TBL1X: variants seen among roughly 807,000 people sequenced by gnomAD.
The protein encoded by TBL1X is transducin beta like 1 X-linked.
A neutral mutation model predicts 50.7 loss-of-function variants in TBL1X; 10 were observed. The ratio of observed to expected loss-of-function variants is 0.20; its 90% CI spans 0.12 to 0.33. The LOEUF is 0.33. TBL1X is among the 10% of genes least tolerant of loss of function. The pLI, the probability that TBL1X is intolerant of heterozygous loss-of-function variation, is 1.00. For missense variants in TBL1X, 340 were observed against 504.4 expected (o/e 0.67, Z 3.12); for synonymous variants, 190 against 214.7 (o/e 0.88, Z 1.01).
At chrX:9,630,284 C>T (rs1458254386) in intron 2 of TBL1X, among the ~76,000 whole-genome samples, 3 of 111,870 alleles carry the variant, frequency 2.7e-5, no homozygotes, top group Non-Finnish European at 3.8e-5. Context: ...TCTTTGCCTC[C>T]GAAATATCTT....
At chrX:9,606,611 A>G (rs2082584712) in intron 2 of TBL1X, among the ~76,000 whole-genome samples, 1 of 111,645 alleles carries the variant, frequency 9.0e-6, no homozygotes, top group African/African-American at 3.3e-5. Context: ...CCCAGGAGGT[A>G]GAGGCTGCAG....
chrX:9,716,261 CG>C lies in TBL1X; in HGVS notation c.*16del. ...TGCGGAAGTAACCACAAAATATTATCGAAAAAAGAAAAGAATTCTAATGACC... is the reference window on the plus strand; with the variant it reads ...TGCGGAAGTAACCACAAAATATTATCAAAAAAGAAAAGAATTCTAATGACC... On this transcript the variant is annotated 3_prime_UTR_variant, in exon 18 of 18. Transcript: ENST00000645353. 1 of 1,204,594 alleles carries C rather than the reference CG, an allele frequency of 8.3e-7. No individual in the cohort carries two copies. The highest frequency in any genetic ancestry group is 1.7e-5 in the African/African-American group (1 of 57,505).
In TBL1X at chrX:9,564,491, TG is replaced by T. The variant is rs369087733; in HGVS notation, c.-131+62649del. ...GCTCACTCCTGTAATCCCAGCACTT[TG>T]GGGGGGCCCAGGTGGACAGATCACA... On this transcript the variant is annotated intron_variant, in intron 2 of 17. Coordinates refer to ENST00000645353, the MANE Select transcript of TBL1X (RefSeq NM_005647.4). Among the ~76,000 whole-genome samples, 116 of 110,161 alleles carry T rather than the reference TG, an allele frequency of 1.1e-3. 1 individual carries two copies. The highest frequency in any genetic ancestry group is 2.1e-3 in the Non-Finnish European group (108 of 52,628).
chrX:9,664,868 A>G lies in TBL1X; in HGVS notation c.211+10546A>G, dbSNP rs185912316. Reference sequence around the variant, plus strand: ...TCTTGGGGGGACTGTCCTGAATACTATAGGATGTTCAGCAGCATCCCTAAC... The same window carrying G: ...TCTTGGGGGGACTGTCCTGAATACTGTAGGATGTTCAGCAGCATCCCTAAC... On this transcript the variant is annotated intron_variant, in intron 5 of 17. Coordinates refer to ENST00000645353, the MANE Select transcript of TBL1X (RefSeq NM_005647.4). 2.4e-3 allele frequency among the ~76,000 whole-genome samples: 263 copies of G among 111,367 alleles called. 3 individuals carry two copies. Among genetic ancestry groups the G allele is most frequent in the African/African-American group, 8.1e-3 (247 of 30,595 alleles).
intron 5 of TBL1X, among the ~76,000 whole-genome samples, 174 bp downstream of exon 5, chrX:9,654,496 A>C (rs1229151187): frequency 8.9e-6 from 1 of 111,857 alleles, no homozygotes; most frequent in Non-Finnish European, 1.9e-5. Context: ...CCCGGGTGGA[A>C]AGAGGGAATG....
At chrX:9,703,732 G>A (rs1053060612) in intron 12 of TBL1X, among the ~76,000 whole-genome samples, 1 of 112,010 alleles carries the variant, frequency 8.9e-6, no homozygotes, top group African/African-American at 3.2e-5. Context: ...GAGATGCCTC[G>A]GCTCTCTCCC....
At chrX:9,694,014 C>T (rs2083114960) in intron 11 of TBL1X, among the ~76,000 whole-genome samples, 1 of 110,527 alleles carries the variant, frequency 9.0e-6, no homozygotes, top group South Asian at 3.8e-4. Flanking sequence ...GGGGTGGGAA[C>T]CCAAGGGCAA....
At chrX:9,575,450 TACTC>T (rs2082406479) in intron 2 of TBL1X, among the ~76,000 whole-genome samples, 1 of 111,841 alleles carries the variant, frequency 8.9e-6, no homozygotes, top group African/African-American at 3.3e-5. Context: ...TTCAGGTAAA[TACTC>T]ACAACATAGG....
At chrX:9,516,674 C>T (rs1461883739) in intron 2 of TBL1X, among the ~76,000 whole-genome samples, 1 of 112,508 alleles carries the variant, frequency 8.9e-6, no homozygotes, top group African/African-American at 3.2e-5. Flanking sequence ...TTGTGTTGCC[C>T]TCCAATGACT....
intron 2 of TBL1X, among the ~76,000 whole-genome samples, chrX:9,519,376 G>A (rs1018792268): frequency 2.7e-5 from 3 of 111,316 alleles, no homozygotes; most frequent in East Asian, 5.6e-4. Flanking sequence ...GTCCCAAAGC[G>A]CTTGGATTAT....
Position 9,698,212 on chromosome X carries a change from C to T in TBL1X, c.1114+783C>T, listed in dbSNP as rs142574073. Reference sequence around the variant, plus strand: ...AAGATAGAGATGACCTCGGCACCCACCTGCTCAGAGCTCTGAAACACAGCA... The same window carrying T: ...AAGATAGAGATGACCTCGGCACCCATCTGCTCAGAGCTCTGAAACACAGCA... On this transcript the variant is annotated intron_variant, in intron 12 of 17. Transcript: ENST00000645353. Among the ~76,000 whole-genome samples the T allele has an allele frequency of 2.1e-3, 238 of 111,340 alleles. 1 individual carries two copies. The highest frequency in any genetic ancestry group is 7.0e-3 in the African/African-American group (214 of 30,611).
chrX:9,466,108 C>T (rs371208631), intron 1 of TBL1X, among the ~76,000 whole-genome samples: 3 of 106,725 alleles, frequency 2.8e-5, no homozygotes, highest in East Asian at 6.9e-4. Context: ...ACCCTTGGCC[C>T]GTCGAGGGTC....
At chrX:9,551,841 GAGCAT>G (rs1465906548) in intron 2 of TBL1X, among the ~76,000 whole-genome samples, 1 of 111,761 alleles carries the variant, frequency 8.9e-6, no homozygotes, top group African/African-American at 3.3e-5. Context: ...CCAGAGCATC[GAGCAT>G]AGTTTCTCCC....
chrX:9,473,854 A>G (rs2081832851), intron 1 of TBL1X, among the ~76,000 whole-genome samples: 1 of 112,730 alleles, frequency 8.9e-6, no homozygotes, highest in African/African-American at 3.2e-5. Flanking sequence ...TGAAAATAAG[A>G]ATGAATAATC....
At chrX:9,485,572 A>G (rs2081907127) in intron 1 of TBL1X, among the ~76,000 whole-genome samples, 1 of 111,842 alleles carries the variant, frequency 8.9e-6, no homozygotes, top group South Asian at 3.7e-4. Flanking sequence ...CCTCTGCTGC[A>G]GATGCTGGGA....
chrX:9,695,338 C>G (rs1434795882), intron 11 of TBL1X, among the ~76,000 whole-genome samples: 1 of 112,497 alleles, frequency 8.9e-6, no homozygotes, highest in Non-Finnish European at 1.9e-5. Context: ...TGCTCTCCCT[C>G]TCTTTTAAGC....
chrX:9,652,724 A>G (rs1485107730), intron 3 of TBL1X, among the ~76,000 whole-genome samples: 6 of 110,255 alleles, frequency 5.4e-5, no homozygotes, highest in Non-Finnish European at 1.1e-4. Flanking sequence ...GCTGATGCCC[A>G]CCTTTGGTCA....
At chrX:9,626,627 T>C (rs1462781875) in intron 2 of TBL1X, among the ~76,000 whole-genome samples, 1 of 112,577 alleles carries the variant, frequency 8.9e-6, no homozygotes, top group Non-Finnish European at 1.9e-5. Flanking sequence ...GTGTTTGCTT[T>C]CCCGATGATT....
At chrX:9,580,496 T>G (rs921229417) in intron 2 of TBL1X, among the ~76,000 whole-genome samples, 2 of 111,986 alleles carry the variant, frequency 1.8e-5, no homozygotes, top group African/African-American at 6.5e-5. Flanking sequence ...TCTATATCAG[T>G]GAGCAGAGGC....
Sources: allele counts gnomAD v4.1 joint callset (sites outside exome capture counted in the v4.1 genomes callset), GRCh38; gene constraint gnomAD v4.1.1; transcripts MANE v1.5; gene names NCBI Gene and HGNC (gene_info 2026-07-23, HGNC 2026-07-21).